Variants in FOXO3 observed in about 807,000 individuals in gnomAD.
FOXO3 encodes forkhead box protein O3.
In FOXO3, 4 loss-of-function variants were observed where a neutral mutation model predicts 41.9. The ratio of observed to expected loss-of-function variants is 0.10; its 90% CI spans 0.05 to 0.22. FOXO3 has a LOEUF of 0.22. Ranked by LOEUF, FOXO3 falls within the 10% of genes least tolerant of loss-of-function variation. The pLI is 1.00. For synonymous variants in FOXO3, 318 were observed against 389.3 expected, an observed-to-expected ratio of 0.82 and a Z score of 2.16; for missense variants, 534 against 906.8, an observed-to-expected ratio of 0.59 and a Z score of 5.28.
rs1044812920 is a variant in FOXO3, at chr6:108,683,323, C to G, written c.*3531C>G. 1 of 152,118 alleles carries G rather than the reference C, an allele frequency of 6.6e-6. No homozygotes were observed. The highest frequency in any genetic ancestry group is 2.1e-4 in the South Asian group (1 of 4,830). 9.4% of individuals were successfully genotyped at this position (152,118 alleles called of 1,614,324 possible). A position where few individuals can be genotyped will look rare whatever the true frequency, so the allele number is the denominator to read the frequency against. On this transcript the variant is annotated 3_prime_UTR_variant, in exon 3 of 3. Coordinates refer to ENST00000406360, the MANE Select transcript of FOXO3 (RefSeq NM_001455.4). ...ATTTCAGGTGGCTTCCAAACTTGTA[C>G]GCAGTTTAAAGATGGTGGGGACAGA...
Position 108,626,102 on chromosome 6 carries a change from G to A in FOXO3, c.622-37353G>A, listed in dbSNP as rs570661684. 9.8e-5 allele frequency among the ~76,000 whole-genome samples: 15 copies of A among 152,288 alleles called. No homozygotes were observed. In the South Asian group the frequency reaches 3.1e-3, roughly 32 times the overall value. ...AGAAGCATACTTCAGTGTGATCCTGGGATGTCTAGAAAAGGCTAGATTATG... is the reference window on the plus strand; with the variant it reads ...AGAAGCATACTTCAGTGTGATCCTGAGATGTCTAGAAAAGGCTAGATTATG... On this transcript the variant is annotated intron_variant, in intron 1 of 2. Transcript: ENST00000406360.
chr6:108,621,136 T>C (rs1423328744), intron 1 of FOXO3, among the ~76,000 whole-genome samples: 2 of 152,210 alleles, frequency 1.3e-5, no homozygotes, highest in African/African-American at 4.8e-5. Flanking sequence ...AGTGTATAAT[T>C]GGGCACATTC....
chr6:108,563,800 G>A (rs1288032380), intron 1 of FOXO3, among the ~76,000 whole-genome samples: 3 of 151,976 alleles, frequency 2.0e-5, no homozygotes, highest in African/African-American at 7.3e-5. Flanking sequence ...CTTTATTTTT[G>A]GGGGGAAGAT....
intron 2 of FOXO3, among the ~76,000 whole-genome samples, chr6:108,665,513 CAA>C (rs1429775618): frequency 2.0e-5 from 3 of 152,118 alleles, no homozygotes; most frequent in East Asian, 1.9e-4. Flanking sequence ...AGCTAGCACT[CAA>C]GAGCTAAACC....
rs1036146080 is a variant in FOXO3, at chr6:108,561,054, C to T, written c.-155C>T. On this transcript the variant is annotated 5_prime_UTR_variant, in exon 1 of 3. Coordinates refer to ENST00000406360, the MANE Select transcript of FOXO3 (RefSeq NM_001455.4). ...CGGGGCTCCGGCCCGGGATAACCAA[C>T]TCTCCTTCTCTCTTCTTTGGTGCTT... 8.5e-6 allele frequency: 12 copies of T among 1,409,514 alleles called. No individual in the cohort carries two copies. The highest frequency in any genetic ancestry group is 1.5e-5 in the African/African-American group (1 of 65,826). The allele number at this position is 1,409,514 out of a possible 1,614,324, so 87.3% of individuals were successfully genotyped here. A position where few individuals can be genotyped will look rare whatever the true frequency, so the allele number is the denominator to read the frequency against.
intron 1 of FOXO3, among the ~76,000 whole-genome samples, chr6:108,610,038 C>G (rs945591837): frequency 2.6e-5 from 4 of 152,136 alleles, no homozygotes; most frequent in African/African-American, 9.7e-5. Flanking sequence ...TATATGCATG[C>G]ATTGTTTGCT....
rs1014213330 is a variant in FOXO3 at position 108,666,229 on chromosome 6, T to C, written c.*34+1340T>C. 2.6e-5 allele frequency among the ~76,000 whole-genome samples: 4 copies of C among 152,272 alleles called. No individual in the cohort carries two copies. The East Asian group carries it at 5.8e-4, about 22-fold the overall frequency. On this transcript the variant is annotated intron_variant, in intron 2 of 2. Coordinates refer to ENST00000406360, the MANE Select transcript of FOXO3 (RefSeq NM_001455.4). ...TGTGAAACTGCAGTAGGCTGAAATA[T>C]GTACCATGCAACTAGGTATACTGAC...
rs940404951 is a variant in FOXO3 at position 108,682,609 on chromosome 6, G to C, written c.*2817G>C. The C allele has an allele frequency of 7.9e-5, 12 of 152,286 alleles. No individual in the cohort carries two copies. The highest frequency in any genetic ancestry group is 2.9e-4 in the African/African-American group (12 of 41,452). The allele number at this position is 152,286 out of a possible 1,614,324, so 9.4% of individuals were successfully genotyped here. A position where few individuals can be genotyped will look rare whatever the true frequency, so the allele number is the denominator to read the frequency against. ...GGCCAGGGCCCCAGAGACTAGCCTG[G>C]TTCTGAAGTGGGCAGGGGTGCTGCC... On this transcript the variant is annotated 3_prime_UTR_variant, in exon 3 of 3. Transcript: ENST00000406360.
intron 2 of FOXO3, among the ~76,000 whole-genome samples, chr6:108,668,870 T>TAATC: frequency 6.6e-6 from 1 of 152,172 alleles, no homozygotes; most frequent in East Asian, 1.9e-4. Flanking sequence ...CTCACGCTTG[T>TAATC]AATCCCAGCA....
intron 1 of FOXO3, among the ~76,000 whole-genome samples, chr6:108,652,777 G>A (rs1024929042): frequency 2.0e-5 from 3 of 152,210 alleles, no homozygotes; most frequent in Non-Finnish European, 1.5e-5. Flanking sequence ...GATTTCTCTT[G>A]TTACCTAGGT....
intron 1 of FOXO3, among the ~76,000 whole-genome samples, chr6:108,660,390 C>G (rs145128384): frequency 6.6e-6 from 1 of 152,184 alleles, no homozygotes; most frequent in African/African-American, 2.4e-5. Context: ...CAACATTTGC[C>G]TTATCAGATA....
At chr6:108,580,239 A>G (rs1318731473) in intron 1 of FOXO3, among the ~76,000 whole-genome samples, 3 of 114,568 alleles carry the variant, frequency 2.6e-5, no homozygotes, top group Non-Finnish European at 4.9e-5. Flanking sequence ...CCCAGGCTGG[A>G]GTGCAGTGGT....
intron 1 of FOXO3, among the ~76,000 whole-genome samples, chr6:108,596,197 A>G (rs1035029797): frequency 1.1e-4 from 17 of 151,862 alleles, no homozygotes; most frequent in Admixed American, 1.1e-3. Flanking sequence ...TTTTTATAGT[A>G]CTATTTTTGT....
At chr6:108,639,254 A>G (rs1347879730) in intron 1 of FOXO3, among the ~76,000 whole-genome samples, 4 of 152,246 alleles carry the variant, frequency 2.6e-5, no homozygotes, top group East Asian at 3.9e-4. Flanking sequence ...GCTTCCTTTC[A>G]TATGCAAAGC....
intron 1 of FOXO3, among the ~76,000 whole-genome samples, chr6:108,571,780 C>T (rs1009605046): frequency 1.3e-5 from 2 of 152,136 alleles, no homozygotes; most frequent in African/African-American, 4.8e-5. Context: ...GTTTTAAGCC[C>T]TGAAATTCAT....
At chr6:108,665,118 TCTA>T (rs1403057096) in intron 2 of FOXO3, among the ~76,000 whole-genome samples, 1 of 152,178 alleles carries the variant, frequency 6.6e-6, no homozygotes, top group African/African-American at 2.4e-5. Context: ...AGTTCAGAAA[TCTA>T]CTGCTCGTGA....
At chr6:108,606,843 A>T (rs1777216790) in intron 1 of FOXO3, among the ~76,000 whole-genome samples, 1 of 152,134 alleles carries the variant, frequency 6.6e-6, no homozygotes, top group South Asian at 2.1e-4. Context: ...TTCATTTTTG[A>T]TGCCTGATGT....
chr6:108,560,993 G>T lies in FOXO3; in HGVS notation c.-216G>T. Reference sequence around the variant, plus strand: ...CCTGGGAGGCGGGCGCGGCAGGACTGGGAGGTGGCGGCAGCGGGCGAGGAC... The same window carrying T: ...CCTGGGAGGCGGGCGCGGCAGGACTTGGAGGTGGCGGCAGCGGGCGAGGAC... On this transcript the variant is annotated 5_prime_UTR_variant, in exon 1 of 3. Coordinates refer to ENST00000406360, the MANE Select transcript of FOXO3 (RefSeq NM_001455.4). 7.3e-7 allele frequency: 1 copy of T among 1,366,116 alleles called. No homozygotes were observed. Among genetic ancestry groups the T allele is most frequent in the East Asian group, 3.1e-5 (1 of 32,578 alleles). The allele number at this position is 1,366,116 out of a possible 1,614,324, so 84.6% of individuals were successfully genotyped here.
At chr6:108,652,494 T>G (rs1778572696) in intron 1 of FOXO3, among the ~76,000 whole-genome samples, 1 of 152,238 alleles carries the variant, frequency 6.6e-6, no homozygotes, top group Non-Finnish European at 1.5e-5. Flanking sequence ...CACTTGTTAG[T>G]GGTGCCTCCC....
Sources: gnomAD v4.1 joint callset for allele counts (sites outside exome capture counted in the v4.1 genomes callset) on GRCh38, gnomAD v4.1.1 for gene constraint, MANE v1.5 for transcripts, NCBI Gene and HGNC (gene_info 2026-07-23, HGNC 2026-07-21) for gene names.